Variants in MICA observed in about 807,000 individuals in gnomAD.
MICA encodes the protein MHC class I polypeptide-related sequence A, also known as HLA class I antigen.
MICA carries 18 observed loss-of-function variants against 34.3 expected under a neutral mutation model. That is an observed-to-expected ratio of 0.52 (90% CI 0.36 to 0.78). MICA has a LOEUF of 0.78. MICA is among the 30% of genes least tolerant of loss of function. MICA has a pLI of 0.00. For missense variants in MICA, 333 were observed against 409.4 expected (o/e 0.81, Z 1.61); for synonymous variants, 135 against 156.9 (o/e 0.86, Z 1.04).
rs1239291435 is a variant in MICA, at chr6:31,411,811, G to A, written c.614-136G>A. 2.4e-5 allele frequency: 33 copies of A among 1,355,470 alleles called. No homozygotes were observed. In the Middle Eastern group the frequency reaches 1.0e-3, roughly 43 times the overall value. The allele number at this position is 1,355,470 out of a possible 1,614,324, so 84.0% of individuals were successfully genotyped here. On this transcript the variant is annotated intron_variant, in intron 3 of 5. Coordinates refer to ENST00000449934, the MANE Select transcript of MICA (RefSeq NM_001177519.3). This position sits in a 1 kb window ranked among gnomAD's most constrained non-coding sequence, Gnocchi z 4.3. ...GCCAGCCTGGAAGAACTGGGCCCCAGAGTGAGGACAGACTTGCAGGTCAGG... is the reference window on the plus strand; with the variant it reads ...GCCAGCCTGGAAGAACTGGGCCCCAAAGTGAGGACAGACTTGCAGGTCAGG...
intron 1 of MICA, 23 bp from the exon 2 acceptor site, chr6:31,410,520 A>G: frequency 6.2e-7 from 1 of 1,605,496 alleles, no homozygotes. Flanking sequence ...AAGAAGTTTC[A>G]CCTGTGATTT....
Position 31,410,662 on chromosome 6 carries a change from T to G in MICA, c.190T>G (p.Cys64Gly). 1 of 1,613,490 alleles carries G rather than the reference T, an allele frequency of 6.2e-7. No homozygotes were observed. Among genetic ancestry groups the G allele is most frequent in the Non-Finnish European group, 8.5e-7 (1 of 1,180,014 alleles). ...QPFLRYDRQK[C>G]RAKPQGQWAE... is the part of the protein sequence containing the mutation. ...CTTCCTGCGCTATGACAGGCAGAAA[T>G]GCAGGGCAAAGCCCCAGGGACAGTG... The change falls in exon 2 of 6, where the codon TGC becomes GGC. Residue 64 changes from cysteine to glycine, a missense_variant. Transcript: ENST00000449934.
At chr6:31,409,356 C>G (rs1263883227) in intron 1 of MICA, among the ~76,000 whole-genome samples, 1 of 130,674 alleles carries the variant, frequency 7.7e-6, no homozygotes, top group African/African-American at 2.6e-5. Flanking sequence ...AACAGCCATC[C>G]TGATTGGTTT....
intron 1 of MICA, among the ~76,000 whole-genome samples, chr6:31,409,961 C>G (rs1364269431): frequency 1.1e-5 from 1 of 90,290 alleles, no homozygotes; most frequent in Non-Finnish European, 2.0e-5. Context: ...ACTTTGAACC[C>G]AAGCCCACAC....
At chr6:31,410,135 C>A (rs1368550725) in intron 1 of MICA, among the ~76,000 whole-genome samples, 2 of 148,672 alleles carry the variant, frequency 1.3e-5, no homozygotes, top group Non-Finnish European at 3.0e-5. Flanking sequence ...CACCCTCAGC[C>A]TATGCACCAC....
In MICA at chr6:31,410,807, G is replaced by C. The variant is rs776480233; in HGVS notation, c.325+10G>C. 3.9e-6 allele frequency: 6 copies of C among 1,554,624 alleles called. No individual in the cohort carries two copies. The highest frequency in any genetic ancestry group is 5.2e-6 in the Non-Finnish European group (6 of 1,148,856). On this transcript the variant is annotated intron_variant, in intron 2 of 5. Coordinates refer to ENST00000449934, the MANE Select transcript of MICA (RefSeq NM_001177519.3). ...AAGGACCAGAAAGAAGGTGAGAGTC[G>C]GCAGGGGCAAGAGTGACTGGAGAGG...
At chr6:31,414,374 A>C (rs1040143161) in intron 5 of MICA, among the ~76,000 whole-genome samples, 2 of 152,084 alleles carry the variant, frequency 1.3e-5, no homozygotes, top group African/African-American at 4.8e-5. Flanking sequence ...ACTCAAGAGC[A>C]GGTCACAGGC....
chr6:31,410,954 G>T, intron 2 of MICA, 118 bp from the exon 3 acceptor site: 2 of 1,470,446 alleles, frequency 1.4e-6, no homozygotes, highest in Non-Finnish European at 1.8e-6. Context: ...CCGGCACTCA[G>T]CCCACACAGG....
chr6:31,407,223 T>G (rs1219426924), intron 1 of MICA, among the ~76,000 whole-genome samples: 1 of 151,934 alleles, frequency 6.6e-6, no homozygotes, highest in African/African-American at 2.4e-5. Context: ...CCTTCAATTT[T>G]TTGCATCAGT....
At chr6:31,413,644 C>A (rs562914605) in intron 5 of MICA, among the ~76,000 whole-genome samples, 3 of 152,042 alleles carry the variant, frequency 2.0e-5, no homozygotes, top group South Asian at 2.1e-4. Flanking sequence ...GCCCCTCAGG[C>A]CTGAGCAGAT....
chr6:31,403,744 T>G lies in MICA; in HGVS notation c.70+42T>G. 1 of 1,514,608 alleles carries G rather than the reference T, an allele frequency of 6.6e-7. No individual in the cohort carries two copies. Among genetic ancestry groups the G allele is most frequent in the Non-Finnish European group, 8.8e-7 (1 of 1,133,258 alleles). The allele number at this position is 1,514,608 out of a possible 1,614,324, so 93.8% of individuals were successfully genotyped here. On this transcript the variant is annotated intron_variant, in intron 1 of 5. Coordinates refer to ENST00000449934, the MANE Select transcript of MICA (RefSeq NM_001177519.3). This position sits in a 1 kb window ranked among gnomAD's most constrained non-coding sequence, Gnocchi z 4.7. ...GCGGTCCTCGGCGGAGCGGGAGCAG[T>G]GGGACGTTTCCGGGGGTCGGGTGGG...
upstream of MICA, chr6:31,403,520 G>A: frequency 1.2e-6 from 1 of 820,244 alleles, no homozygotes; most frequent in Non-Finnish European, 1.8e-6. The surrounding 1 kb of genome is among the most constrained non-coding windows in gnomAD (Gnocchi z 4.7). Context: ...TAAGTTCCGG[G>A]CCCCAGTTTC....
At chr6:31,402,793 GA>G (rs1300757564), upstream of MICA, among the ~76,000 whole-genome samples, 2 of 150,784 alleles carry the variant, frequency 1.3e-5, no homozygotes, top group African/African-American at 4.9e-5. Flanking sequence ...CATTGGAGGG[GA>G]CTATGGTCGG....
chr6:31,404,906 C>G (rs1467733250), intron 1 of MICA, among the ~76,000 whole-genome samples: 6 of 151,554 alleles, frequency 4.0e-5, no homozygotes, highest in Non-Finnish European at 8.8e-5. Context: ...CTGGTCCCTC[C>G]GCCCCTCTCC....
upstream of MICA, among the ~76,000 whole-genome samples, chr6:31,402,803 G>C (rs36223353): frequency 4.2e-3 from 632 of 151,212 alleles, 15 homozygotes; most frequent in East Asian, 0.051. Flanking sequence ...GACTATGGTC[G>C]GAGGTACAGA....
chr6:31,407,842 T>A (rs550315340), intron 1 of MICA, among the ~76,000 whole-genome samples: 22 of 151,948 alleles, frequency 1.4e-4, no homozygotes, highest in Non-Finnish European at 2.9e-4. Flanking sequence ...CCTTTCTTTC[T>A]TTCTCCTGTC....
upstream of MICA, among the ~76,000 whole-genome samples, chr6:31,402,959 G>A (rs536364279): frequency 4.6e-5 from 7 of 151,858 alleles, no homozygotes; most frequent in Admixed American, 1.3e-4. Flanking sequence ...GAGGATATAA[G>A]GGGGTGAAAG....
chr6:31,410,459 G>A (rs1449977852), intron 1 of MICA, 84 bp from the exon 2 acceptor site: 1 of 1,510,938 alleles, frequency 6.6e-7, no homozygotes, highest in Non-Finnish European at 8.9e-7. Flanking sequence ...CCCCAGGAAG[G>A]TTGGGACAGC....
intron 5 of MICA, among the ~76,000 whole-genome samples, chr6:31,413,753 T>C (rs952135343): frequency 6.6e-5 from 10 of 151,944 alleles, no homozygotes; most frequent in Non-Finnish European, 1.2e-4. Context: ...CTCTCACCTG[T>C]GGCGTCTCCC....
Sources: allele counts gnomAD v4.1 joint callset (sites outside exome capture counted in the v4.1 genomes callset), GRCh38; gene constraint gnomAD v4.1.1; non-coding constraint Gnocchi (gnomAD v3.1); transcripts MANE v1.5; gene names NCBI Gene and HGNC (gene_info 2026-07-23, HGNC 2026-07-21).